The following PTDSS1 variants were observed in gnomAD, a reference collection of about 807,000 sequenced individuals.
PTDSS1 encodes PSS-1.
PTDSS1 carries 45 observed loss-of-function variants against 70.5 expected under a neutral mutation model. That is an observed-to-expected ratio of 0.64 (90% CI 0.50 to 0.82). The LOEUF is 0.82. Ranked by LOEUF, PTDSS1 falls within the 40% of genes least tolerant of loss-of-function variation. The pLI, the probability that PTDSS1 is intolerant of heterozygous loss-of-function variation, is 0.00. For synonymous variants in PTDSS1, 188 were observed against 203.8 expected, an observed-to-expected ratio of 0.92 and a Z score of 0.66; for missense variants, 417 against 586.1, an observed-to-expected ratio of 0.71 and a Z score of 2.98.
intron 1 of PTDSS1, among the ~76,000 whole-genome samples, chr8:96,271,072 A>G (rs1252734616): frequency 6.6e-6 from 1 of 152,218 alleles, no homozygotes; most frequent in Non-Finnish European, 1.5e-5. Flanking sequence ...AAAGAGAATG[A>G]TGTATTCACG....
intron 10 of PTDSS1, among the ~76,000 whole-genome samples, chr8:96,321,920 C>T (rs529275708): frequency 1.1e-4 from 16 of 152,192 alleles, no homozygotes; most frequent in Non-Finnish European, 2.1e-4. Flanking sequence ...TGTAAGGAAT[C>T]GGTTAGGGAA....
intron 1 of PTDSS1, among the ~76,000 whole-genome samples, chr8:96,269,303 G>A (rs1810529076): frequency 6.6e-6 from 1 of 152,102 alleles, no homozygotes; most frequent in Admixed American, 6.5e-5. Flanking sequence ...TTCAAACAAA[G>A]ATAATATTGG....
chr8:96,299,657 G>C (rs756600447), intron 5 of PTDSS1, 37 bp from the exon 6 acceptor site: 1 of 1,564,590 alleles, frequency 6.4e-7, no homozygotes, highest in South Asian at 1.2e-5. Context: ...CCCCAGTTTT[G>C]TTTATTTTTC....
chr8:96,314,706 C>T (rs759824236), intron 9 of PTDSS1, among the ~76,000 whole-genome samples: 7 of 152,184 alleles, frequency 4.6e-5, no homozygotes, highest in Non-Finnish European at 8.8e-5. Flanking sequence ...ATGCCGTTCT[C>T]CTGCCTCAGC....
At chr8:96,271,806 C>G (rs59989918) in intron 1 of PTDSS1, among the ~76,000 whole-genome samples, 3 of 152,196 alleles carry the variant, frequency 2.0e-5, no homozygotes, top group African/African-American at 7.2e-5. Context: ...CTTTTCACTT[C>G]TGAGAGCCTT....
At chr8:96,283,981 A>G (rs992761043) in intron 2 of PTDSS1, 128 bp from the exon 3 acceptor site, 1 of 724,000 alleles carries the variant, frequency 1.4e-6, no homozygotes, top group Admixed American at 2.9e-5. Context: ...TATGTAGAAA[A>G]AAAAAAAAAA....
chr8:96,287,683 C>A (rs956324212), intron 4 of PTDSS1, among the ~76,000 whole-genome samples: 1 of 152,014 alleles, frequency 6.6e-6, no homozygotes, highest in African/African-American at 2.4e-5. Context: ...TGCTCCACTG[C>A]TTGCCACAGA....
intron 9 of PTDSS1, among the ~76,000 whole-genome samples, chr8:96,310,732 T>C (rs1468108941): frequency 6.6e-6 from 1 of 152,068 alleles, no homozygotes; most frequent in Non-Finnish European, 1.5e-5. Flanking sequence ...TACAGCAGCA[T>C]GGTCACAATG....
chr8:96,289,287 C>A (rs1810869361), intron 4 of PTDSS1, among the ~76,000 whole-genome samples: 1 of 152,162 alleles, frequency 6.6e-6, no homozygotes, highest in South Asian at 2.1e-4. Flanking sequence ...GAAGGTGGGA[C>A]TGAAAGTTCT....
intron 7 of PTDSS1, among the ~76,000 whole-genome samples, chr8:96,305,666 G>A (rs903539861): frequency 1.3e-5 from 2 of 152,132 alleles, no homozygotes; most frequent in African/African-American, 4.8e-5. Flanking sequence ...TCTCTCAGAT[G>A]TGTCTCCAGC....
At chr8:96,272,695 G>A (rs780945689) in intron 1 of PTDSS1, among the ~76,000 whole-genome samples, 2 of 152,126 alleles carry the variant, frequency 1.3e-5, no homozygotes, top group Non-Finnish European at 2.9e-5. Flanking sequence ...CTTCCATTTC[G>A]CAAACTTGTG....
At chr8:96,286,488 C>T (rs1810824162) in intron 3 of PTDSS1, among the ~76,000 whole-genome samples, 1 of 152,190 alleles carries the variant, frequency 6.6e-6, no homozygotes. Flanking sequence ...ACTGTCCACA[C>T]CCAGCCTTGC....
intron 1 of PTDSS1, among the ~76,000 whole-genome samples, chr8:96,263,120 T>A (rs547753726): frequency 6.6e-6 from 1 of 152,204 alleles, no homozygotes; most frequent in Non-Finnish European, 1.5e-5. Context: ...ACAACTCTCT[T>A]ATTCCCTGGA....
At chr8:96,285,174 C>T (rs1810803946) in intron 3 of PTDSS1, among the ~76,000 whole-genome samples, 1 of 152,134 alleles carries the variant, frequency 6.6e-6, no homozygotes, top group African/African-American at 2.4e-5. Flanking sequence ...TGATGGGAGG[C>T]CTGAGGGAGT....
At chr8:96,319,832 G>C (rs753450067) in intron 9 of PTDSS1, among the ~76,000 whole-genome samples, 1 of 152,158 alleles carries the variant, frequency 6.6e-6, no homozygotes, top group Non-Finnish European at 1.5e-5. Context: ...GCAGATACCA[G>C]CCTGTGACAA....
chr8:96,324,343 C>T (rs1811410614), intron 10 of PTDSS1, among the ~76,000 whole-genome samples: 1 of 152,184 alleles, frequency 6.6e-6, no homozygotes, highest in South Asian at 2.1e-4. Flanking sequence ...TACCCATTAG[C>T]CAGTTCAAAA....
intron 5 of PTDSS1, 88 bp downstream of exon 5, chr8:96,295,344 A>G (rs1810960726): frequency 7.3e-7 from 1 of 1,364,036 alleles, no homozygotes; most frequent in Admixed American, 2.9e-5. Flanking sequence ...ACAGTCAGTT[A>G]ATCCGTTCTC....
At chr8:96,299,205 A>G (rs1407932274) in intron 5 of PTDSS1, among the ~76,000 whole-genome samples, 1 of 152,178 alleles carries the variant, frequency 6.6e-6, no homozygotes, top group East Asian at 1.9e-4. Context: ...TGCTTCCTAC[A>G]TCGTGTCATC....
At chr8:96,266,985 T>TCAGCCCA (rs1321544677) in intron 1 of PTDSS1, among the ~76,000 whole-genome samples, 2 of 152,216 alleles carry the variant, frequency 1.3e-5, no homozygotes, top group African/African-American at 4.8e-5. Flanking sequence ...AGATGATGCC[T>TCAGCCCA]CAGCCCACAG....
Sources: gnomAD v4.1 joint callset for allele counts (sites outside exome capture counted in the v4.1 genomes callset) on GRCh38, gnomAD v4.1.1 for gene constraint, MANE v1.5 for transcripts, NCBI Gene and HGNC (gene_info 2026-07-23, HGNC 2026-07-21) for gene names.